The following KIF21A variants were observed in gnomAD, a reference collection of about 807,000 sequenced individuals.
The protein encoded by KIF21A is kinesin-like protein KIF21A.
Under a neutral mutation model 202.9 loss-of-function variants are expected in KIF21A, and 114 were observed. That is an observed-to-expected ratio of 0.56 (90% confidence interval 0.48 to 0.66). KIF21A has a LOEUF of 0.66. KIF21A is among the 30% of genes least tolerant of loss of function. KIF21A has a pLI of 0.00. For synonymous variants in KIF21A, 667 were observed against 670.8 expected (o/e 0.99, Z 0.09); for missense variants, 1,677 against 1,994.9 (o/e 0.84, Z 3.04).
chr12:39,356,767 A>C, intron 10 of KIF21A, 65 bp downstream of exon 10: 1 of 786,886 alleles, frequency 1.3e-6, no homozygotes, highest in South Asian at 1.4e-5. Flanking sequence ...ACAAACAGAA[A>C]TATTATAACA....
chr12:39,432,154 A>C (rs879897204), intron 1 of KIF21A, among the ~76,000 whole-genome samples: 1 of 152,238 alleles, frequency 6.6e-6, no homozygotes, highest in Non-Finnish European at 1.5e-5. Context: ...AGAAACATGA[A>C]CTAGTTATGG....
At chr12:39,351,163 A>G (rs1948342296) in intron 11 of KIF21A, among the ~76,000 whole-genome samples, 1 of 152,072 alleles carries the variant, frequency 6.6e-6, no homozygotes. Flanking sequence ...GGTTGATTTC[A>G]GAGGGACATA....
intron 37 of KIF21A, among the ~76,000 whole-genome samples, chr12:39,298,689 C>T (rs1044276640): frequency 2.0e-5 from 3 of 151,968 alleles, no homozygotes; most frequent in Non-Finnish European, 4.4e-5. Flanking sequence ...ATAAAAAGTA[C>T]AACAAAATTG....
intron 26 of KIF21A, 69 bp from the exon 27 acceptor site, chr12:39,322,951 G>C: frequency 8.4e-7 from 1 of 1,191,564 alleles, no homozygotes; most frequent in Non-Finnish European, 1.2e-6. Context: ...AGAGAACAGA[G>C]ATTTATATGA....
At chr12:39,303,164 C>T in intron 35 of KIF21A, 29 bp from the exon 36 acceptor site, 4 of 1,607,700 alleles carry the variant, frequency 2.5e-6, no homozygotes, top group Non-Finnish European at 3.4e-6. Context: ...AGCAGTTATC[C>T]TATTTAACTT....
At chr12:39,335,436 A>G (rs1946882408) in intron 17 of KIF21A, among the ~76,000 whole-genome samples, 1 of 148,860 alleles carries the variant, frequency 6.7e-6, no homozygotes, top group Non-Finnish European at 1.5e-5. Context: ...AAAAAAAATC[A>G]AGACACAAAA....
chr12:39,328,412 C>A (rs957493878), intron 24 of KIF21A, among the ~76,000 whole-genome samples: 2 of 152,104 alleles, frequency 1.3e-5, no homozygotes, highest in African/African-American at 2.4e-5. Context: ...GATACAAATG[C>A]CTGGATACAG....
chr12:39,421,159 CA>C (rs1954220515), intron 1 of KIF21A, among the ~76,000 whole-genome samples: 1 of 152,158 alleles, frequency 6.6e-6, no homozygotes, highest in Non-Finnish European at 1.5e-5. Context: ...CATTGTGTTA[CA>C]ACTGCCTACT....
At chr12:39,372,032 A>T (rs1219203701) in intron 1 of KIF21A, among the ~76,000 whole-genome samples, 3 of 124,760 alleles carry the variant, frequency 2.4e-5, no homozygotes, top group African/African-American at 4.5e-5. Flanking sequence ...TGTGAAATTT[A>T]AAAAAAAAAA....
chr12:39,361,473 A>G (rs1949203438), intron 7 of KIF21A, among the ~76,000 whole-genome samples: 1 of 152,076 alleles, frequency 6.6e-6, no homozygotes, highest in Non-Finnish European at 1.5e-5. Context: ...CATAAAAGGA[A>G]GAAACATAAA....
chr12:39,341,897 A>G (rs1232375019), intron 13 of KIF21A, 137 bp downstream of exon 13: 1 of 723,858 alleles, frequency 1.4e-6, no homozygotes, highest in African/African-American at 1.8e-5. Context: ...CTCTGAAGAA[A>G]CATCTTCAAA....
At chr12:39,320,162 A>G (rs1446834833) in intron 27 of KIF21A, 149 bp from the exon 28 acceptor site, 2 of 600,466 alleles carry the variant, frequency 3.3e-6, no homozygotes, top group Non-Finnish European at 5.9e-6. Context: ...TAACATAGGA[A>G]AATACTACAT....
chr12:39,411,835 C>T (rs1045255418), intron 1 of KIF21A, among the ~76,000 whole-genome samples: 4 of 152,046 alleles, frequency 2.6e-5, no homozygotes, highest in Non-Finnish European at 1.5e-5. Flanking sequence ...CTGTACCTGG[C>T]CTGCTGCTAA....
chr12:39,407,996 A>T (rs986215553), intron 1 of KIF21A, among the ~76,000 whole-genome samples: 1 of 152,184 alleles, frequency 6.6e-6, no homozygotes, highest in Non-Finnish European at 1.5e-5. Context: ...GTCAAGAGAA[A>T]AAAACAGATA....
At chr12:39,424,550 C>G (rs1465878248) in intron 1 of KIF21A, among the ~76,000 whole-genome samples, 2 of 152,166 alleles carry the variant, frequency 1.3e-5, no homozygotes, top group Non-Finnish European at 2.9e-5. Context: ...CCAATATGCA[C>G]AACAATTTCA....
chr12:39,313,086 G>A (rs988834413), intron 31 of KIF21A, among the ~76,000 whole-genome samples: 1 of 151,910 alleles, frequency 6.6e-6, no homozygotes, highest in Non-Finnish European at 1.5e-5. Flanking sequence ...ATAAGTTAGA[G>A]CTGACAATGG....
chr12:39,371,563 A>G (rs1240768640), intron 1 of KIF21A, among the ~76,000 whole-genome samples: 1 of 152,214 alleles, frequency 6.6e-6, no homozygotes, highest in Non-Finnish European at 1.5e-5. Context: ...CACTTACTGT[A>G]CCAAAGTTTT....
At chr12:39,331,311 G>A (rs922225780) in intron 22 of KIF21A, among the ~76,000 whole-genome samples, 3 of 152,004 alleles carry the variant, frequency 2.0e-5, no homozygotes, top group African/African-American at 7.2e-5. Flanking sequence ...CAAAATAAGA[G>A]AATGATTAAA....
chr12:39,387,596 T>C (rs1951037299), intron 1 of KIF21A, among the ~76,000 whole-genome samples: 1 of 152,184 alleles, frequency 6.6e-6, no homozygotes, highest in African/African-American at 2.4e-5. Flanking sequence ...TTGCTTCTCC[T>C]CTGCTGCTGT....
Sources: gnomAD v4.1 joint callset for allele counts (sites outside exome capture counted in the v4.1 genomes callset) on GRCh38, gnomAD v4.1.1 for gene constraint, MANE v1.5 for transcripts, NCBI Gene and HGNC (gene_info 2026-07-23, HGNC 2026-07-21) for gene names.